CREB3L2: variants seen among roughly 807,000 people sequenced by gnomAD.
CREB3L2 encodes the protein cyclic AMP-responsive element-binding protein 3-like protein 2.
CREB3L2 carries 23 observed loss-of-function variants against 57.2 expected under a neutral mutation model. That is an observed-to-expected ratio of 0.40 (90% CI 0.29 to 0.57). The LOEUF (loss-of-function observed/expected upper bound fraction) is 0.57. CREB3L2 is among the 20% of genes least tolerant of loss of function. CREB3L2 has a pLI of 0.42. For synonymous variants in CREB3L2, 268 were observed against 265.1 expected, an observed-to-expected ratio of 1.01 and a Z score of -0.11; for missense variants, 628 against 634.7, an observed-to-expected ratio of 0.99 and a Z score of 0.11.
At chr7:137,961,646 GC>G (rs1563266529) in intron 1 of CREB3L2, among the ~76,000 whole-genome samples, 2 of 152,048 alleles carry the variant, frequency 1.3e-5, no homozygotes, top group South Asian at 4.1e-4. Context: ...CCATTTCTAT[GC>G]CAGACAGTCC....
At chr7:137,924,217 C>T (rs1180065458) in intron 2 of CREB3L2, among the ~76,000 whole-genome samples, 1 of 152,190 alleles carries the variant, frequency 6.6e-6, no homozygotes, top group Non-Finnish European at 1.5e-5. Context: ...TCCTTTGTTC[C>T]ACCCTTGACT....
chr7:137,965,109 C>A (rs143903611), intron 1 of CREB3L2, among the ~76,000 whole-genome samples: 1 of 151,994 alleles, frequency 6.6e-6, no homozygotes, highest in Non-Finnish European at 1.5e-5. Context: ...ATTGTCCAAC[C>A]GGGGAAACAA....
intron 1 of CREB3L2, among the ~76,000 whole-genome samples, chr7:137,960,876 C>T (rs1056016725): frequency 2.5e-5 from 3 of 119,372 alleles, no homozygotes; most frequent in Non-Finnish European, 4.8e-5. Context: ...TGCAATGGCA[C>T]GATCTCAGCT....
intron 1 of CREB3L2, among the ~76,000 whole-genome samples, chr7:137,956,130 G>C (rs1451314854): frequency 1.3e-5 from 2 of 152,134 alleles, no homozygotes; most frequent in African/African-American, 4.8e-5. Flanking sequence ...TTTGCCTCAG[G>C]AATGTAAGAC....
intron 1 of CREB3L2, among the ~76,000 whole-genome samples, chr7:137,967,071 C>CA (rs1326957622): frequency 6.6e-6 from 1 of 152,172 alleles, no homozygotes; most frequent in Admixed American, 6.5e-5. Flanking sequence ...CTCTCTCTCT[C>CA]AGTCTTCTCT....
intron 1 of CREB3L2, among the ~76,000 whole-genome samples, chr7:137,965,628 C>T (rs1478305394): frequency 6.6e-6 from 1 of 152,162 alleles, no homozygotes; most frequent in East Asian, 1.9e-4. Flanking sequence ...GGAAGTGACA[C>T]AGCCCATGTT....
chr7:137,981,682 A>C (rs1801714518), intron 1 of CREB3L2, among the ~76,000 whole-genome samples: 1 of 152,232 alleles, frequency 6.6e-6, no homozygotes, highest in South Asian at 2.1e-4. Flanking sequence ...AGAGCCCTCC[A>C]TTTAGAGGCA....
At chr7:137,887,274 G>A (rs1264305398) in intron 8 of CREB3L2, among the ~76,000 whole-genome samples, 1 of 152,162 alleles carries the variant, frequency 6.6e-6, no homozygotes, top group Non-Finnish European at 1.5e-5. Flanking sequence ...TAGTACCAAT[G>A]AAACAAGTTC....
chr7:137,908,567 G>T, intron 4 of CREB3L2, 131 bp from the exon 5 acceptor site: 3 of 520,266 alleles, frequency 5.8e-6, no homozygotes, highest in Non-Finnish European at 8.9e-6. Flanking sequence ...GGTGCAGAGC[G>T]TGGATATGGG....
chr7:138,000,756 A>T (rs1802060422), intron 1 of CREB3L2, among the ~76,000 whole-genome samples: 2 of 152,148 alleles, frequency 1.3e-5, no homozygotes, highest in Admixed American at 1.3e-4. Flanking sequence ...ATAAAGTCCT[A>T]TGATCAGTGC....
chr7:137,999,718 C>G (rs1283555429), intron 1 of CREB3L2: 1 of 152,196 alleles, frequency 6.6e-6, no homozygotes, highest in Non-Finnish European at 1.5e-5. Flanking sequence ...ATACCTCTTT[C>G]AACAGTAATT....
Position 137,980,223 on chromosome 7 carries a change from T to C in CREB3L2, c.102+21381A>G, listed in dbSNP as rs961107712. ...CACCTCGGTTTCACTTTGGAAGCACTGGGAGAGCTTTTAAAATGCCTGATG... is the reference window on the plus strand; with the variant it reads ...CACCTCGGTTTCACTTTGGAAGCACCGGGAGAGCTTTTAAAATGCCTGATG... On this transcript the variant is annotated intron_variant, in intron 1 of 11. Transcript: ENST00000330387. The surrounding 1 kb of genome is among the most constrained non-coding windows in gnomAD (Gnocchi z 4.3). Among the ~76,000 whole-genome samples the C allele has an allele frequency of 2.0e-5, 3 of 152,220 alleles. No individual in the cohort carries two copies. Among genetic ancestry groups the C allele is most frequent in the Non-Finnish European group, 4.4e-5 (3 of 68,034 alleles).
intron 1 of CREB3L2, among the ~76,000 whole-genome samples, chr7:137,947,550 T>C (rs549400281): frequency 2.0e-4 from 31 of 152,222 alleles, no homozygotes; most frequent in African/African-American, 7.2e-4. Context: ...GATCCCGCCA[T>C]TTGCCCCCCT....
chr7:137,883,777 T>C (rs1432917800), intron 10 of CREB3L2, among the ~76,000 whole-genome samples: 4 of 152,186 alleles, frequency 2.6e-5, no homozygotes, highest in Non-Finnish European at 5.9e-5. Flanking sequence ...GGTATGTTCA[T>C]TGGCTACAGG....
At chr7:137,890,245 T>C (rs1403121981) in intron 8 of CREB3L2, among the ~76,000 whole-genome samples, 3 of 152,196 alleles carry the variant, frequency 2.0e-5, no homozygotes, top group African/African-American at 4.8e-5. Flanking sequence ...ATAAATATTG[T>C]GTGGTATTTT....
intron 1 of CREB3L2, among the ~76,000 whole-genome samples, chr7:137,986,388 G>A (rs905917793): frequency 2.0e-5 from 3 of 152,234 alleles, no homozygotes; most frequent in African/African-American, 7.2e-5. Context: ...ATGGGACTGG[G>A]AAGGAGGGCA....
At chr7:137,900,201 C>T (rs1264225252) in intron 8 of CREB3L2, among the ~76,000 whole-genome samples, 1 of 152,222 alleles carries the variant, frequency 6.6e-6, no homozygotes, top group African/African-American at 2.4e-5. Context: ...CCATATACTC[C>T]TCCCACATCC....
intron 2 of CREB3L2, among the ~76,000 whole-genome samples, chr7:137,926,836 AG>A (rs1249033259): frequency 6.6e-6 from 1 of 152,194 alleles, no homozygotes; most frequent in Non-Finnish European, 1.5e-5. Context: ...CTATCCCTCT[AG>A]GAAAACAAAA....
At chr7:137,932,027 T>C (rs1178895552) in intron 1 of CREB3L2, among the ~76,000 whole-genome samples, 1 of 152,212 alleles carries the variant, frequency 6.6e-6, no homozygotes, top group Non-Finnish European at 1.5e-5. Flanking sequence ...ACTTGGTGTT[T>C]ATCTTTCCCA....
Sources: allele counts gnomAD v4.1 joint callset (sites outside exome capture counted in the v4.1 genomes callset), GRCh38; gene constraint gnomAD v4.1.1; non-coding constraint Gnocchi (gnomAD v3.1); transcripts MANE v1.5; gene names NCBI Gene and HGNC (gene_info 2026-07-23, HGNC 2026-07-21).